The following FCHSD2 variants were observed in gnomAD, a reference collection of about 807,000 sequenced individuals.
FCHSD2 encodes the protein FCH and double SH3 domains 2.
FCHSD2 carries 38 observed loss-of-function variants against 108.1 expected under a neutral mutation model. The observed-to-expected ratio is 0.35, with a 90% CI of 0.27 to 0.46. FCHSD2 has a LOEUF of 0.46. Ranked by LOEUF, FCHSD2 falls within the 20% of genes least tolerant of loss-of-function variation. The pLI, the probability that FCHSD2 is intolerant of heterozygous loss-of-function variation, is 1.00. For synonymous variants in FCHSD2, 279 were observed against 314.7 expected (o/e 0.89, Z 1.20); for missense variants, 751 against 897.8 (o/e 0.84, Z 2.09).
At chr11:72,937,457 G>A (rs893868900) in intron 8 of FCHSD2, among the ~76,000 whole-genome samples, 22 of 152,094 alleles carry the variant, frequency 1.4e-4, no homozygotes, top group Non-Finnish European at 2.6e-4. Context: ...TCTGATGCTG[G>A]CCAATTTGAG....
chr11:72,902,979 A>C (rs1485150031), intron 9 of FCHSD2, among the ~76,000 whole-genome samples: 2 of 152,132 alleles, frequency 1.3e-5, no homozygotes, highest in South Asian at 2.1e-4. Flanking sequence ...AAGGAAACAC[A>C]TTGGTCTTTG....
intron 2 of FCHSD2, among the ~76,000 whole-genome samples, chr11:73,138,303 T>A (rs769216316): frequency 1.3e-5 from 2 of 152,194 alleles, no homozygotes; most frequent in Non-Finnish European, 2.9e-5. Flanking sequence ...CTCAGGACTG[T>A]CTGACTGCAG....
chr11:73,078,727 T>C (rs1453708234), intron 3 of FCHSD2, among the ~76,000 whole-genome samples: 1 of 152,098 alleles, frequency 6.6e-6, no homozygotes, highest in Non-Finnish European at 1.5e-5. Flanking sequence ...TAGGGGATTG[T>C]TCTTTTTTAG....
intron 2 of FCHSD2, among the ~76,000 whole-genome samples, chr11:73,107,237 T>A (rs993959595): frequency 6.6e-6 from 1 of 152,156 alleles, no homozygotes; most frequent in African/African-American, 2.4e-5. Context: ...GTATTTTTAG[T>A]AGAGACAGGG....
intron 8 of FCHSD2, among the ~76,000 whole-genome samples, chr11:72,956,492 GGTT>G (rs1157011633): frequency 1.3e-5 from 2 of 152,156 alleles, no homozygotes; most frequent in African/African-American, 2.4e-5. Flanking sequence ...ATAATCAACA[GGTT>G]ATTATAATCA....
chr11:73,072,210 T>C (rs906214765), intron 3 of FCHSD2, among the ~76,000 whole-genome samples: 1 of 151,168 alleles, frequency 6.6e-6, no homozygotes, highest in African/African-American at 2.4e-5. Flanking sequence ...AACCACTAAA[T>C]TAATTAATAG....
At chr11:73,121,461 A>G (rs1054194828) in intron 2 of FCHSD2, among the ~76,000 whole-genome samples, 2 of 152,310 alleles carry the variant, frequency 1.3e-5, no homozygotes, top group African/African-American at 2.4e-5. Context: ...TAAAAAATTA[A>G]AAGTTGTGAT....
At chr11:72,949,234 G>A (rs1052663804) in intron 8 of FCHSD2, among the ~76,000 whole-genome samples, 1 of 151,962 alleles carries the variant, frequency 6.6e-6, no homozygotes, top group Non-Finnish European at 1.5e-5. Context: ...CAGATCACCT[G>A]AGGTCAGGAG....
intron 4 of FCHSD2, among the ~76,000 whole-genome samples, chr11:73,008,063 G>A (rs1312705515): frequency 6.6e-6 from 1 of 152,074 alleles, no homozygotes; most frequent in African/African-American, 2.4e-5. Flanking sequence ...TGTGATTAAG[G>A]GCTGGCTGCA....
chr11:72,843,714 C>G, intron 14 of FCHSD2, 182 bp from the exon 15 acceptor site: 1 of 587,358 alleles, frequency 1.7e-6, no homozygotes, highest in Non-Finnish European at 3.0e-6. Flanking sequence ...AAAAACTAAA[C>G]AGAATAAAAC....
At chr11:72,936,430 C>T (rs1856303077) in intron 8 of FCHSD2, among the ~76,000 whole-genome samples, 1 of 151,892 alleles carries the variant, frequency 6.6e-6, no homozygotes, top group African/African-American at 2.4e-5. Flanking sequence ...GTTTTTTTTA[C>T]TATATATTTT....
At chr11:73,122,600 G>A (rs1197820435) in intron 2 of FCHSD2, among the ~76,000 whole-genome samples, 1 of 152,150 alleles carries the variant, frequency 6.6e-6, no homozygotes, top group African/African-American at 2.4e-5. Context: ...GGCAAAAGTA[G>A]AAAACTAGTG....
chr11:73,056,340 T>C (rs905971740), intron 3 of FCHSD2, among the ~76,000 whole-genome samples: 1 of 152,206 alleles, frequency 6.6e-6, no homozygotes, highest in African/African-American at 2.4e-5. Context: ...AATTGCTAAT[T>C]GATGTACAGG....
intron 3 of FCHSD2, among the ~76,000 whole-genome samples, chr11:73,026,765 C>T (rs758410089): frequency 9.2e-5 from 14 of 152,162 alleles, no homozygotes; most frequent in Non-Finnish European, 1.6e-4. Flanking sequence ...GATTGGATCA[C>T]AGGGGCAGAT....
intron 3 of FCHSD2, among the ~76,000 whole-genome samples, chr11:73,064,524 A>G (rs945623784): frequency 1.3e-5 from 2 of 152,200 alleles, no homozygotes; most frequent in Non-Finnish European, 2.9e-5. Context: ...GAGAAGATCA[A>G]CAAAATAGAC....
chr11:72,841,363 AAGC>A, intron 18 of FCHSD2, 88 bp downstream of exon 18: 18 of 1,081,794 alleles, frequency 1.7e-5, no homozygotes, highest in South Asian at 9.1e-5. Context: ...AAAAAAAAAA[AAGC>A]AAATGCAGTT....
At chr11:73,016,668 T>C (rs1184739661) in intron 3 of FCHSD2, among the ~76,000 whole-genome samples, 6 of 152,248 alleles carry the variant, frequency 3.9e-5, no homozygotes, top group Non-Finnish European at 5.9e-5. Context: ...TACTGGCATG[T>C]AAAATTAATG....
chr11:73,009,922 T>TC (rs1159528951), intron 4 of FCHSD2, among the ~76,000 whole-genome samples: 1 of 152,208 alleles, frequency 6.6e-6, no homozygotes, highest in African/African-American at 2.4e-5. Flanking sequence ...TCTCAGAGCC[T>TC]CCAGTATCTG....
At chr11:72,980,933 A>T (rs1194376037) in intron 8 of FCHSD2, among the ~76,000 whole-genome samples, 1 of 152,228 alleles carries the variant, frequency 6.6e-6, no homozygotes, top group East Asian at 1.9e-4. Flanking sequence ...CTTTTAAGCT[A>T]CCCATATAGG....
Sources: allele counts gnomAD v4.1 joint callset (sites outside exome capture counted in the v4.1 genomes callset), GRCh38; gene constraint gnomAD v4.1.1; transcripts MANE v1.5; gene names NCBI Gene and HGNC (gene_info 2026-07-23, HGNC 2026-07-21).